Variants in MTUS2 observed in about 807,000 individuals in gnomAD.
MTUS2 encodes microtubule-associated tumor suppressor candidate 2.
Under a neutral mutation model 114.1 loss-of-function variants are expected in MTUS2, and 40 were observed. The observed-to-expected ratio is 0.35, with a 90% confidence interval of 0.27 to 0.46. The LOEUF (loss-of-function observed/expected upper bound fraction) is 0.46. Among genes scored for constraint, MTUS2 ranks in the 20% least tolerant of loss-of-function variants. The probability of loss-of-function intolerance (pLI) is 1.00; values close to 1 mark genes in which losing one functional copy is unlikely to be tolerated. For synonymous variants in MTUS2, 688 were observed against 672.0 expected (o/e 1.02, Z -0.37); for missense variants, 1,679 against 1,705.4 (o/e 0.98, Z 0.27).
chr13:29,190,135 A>G (rs2992387), intron 5 of MTUS2, among the ~76,000 whole-genome samples: 4,009 of 152,296 alleles, frequency 0.026, 169 homozygotes, highest in African/African-American at 0.091. Flanking sequence ...ATAAATGTCT[A>G]TTGTTTAAAC....
At position 29,323,950 on chromosome 13, in the gene MTUS2, G is replaced by A. The variant is rs534040744; in HGVS notation, c.2807-663G>A. ...TGTTTGACTTTCTGACAAACGTGAC[G>A]TGAAGGTGAGCACTGTGCCCGGCAC... is the stretch of plus-strand genomic sequence containing the variant. On this transcript the variant is annotated intron_variant, in intron 6 of 15. Coordinates refer to ENST00000612955, the MANE Select transcript of MTUS2 (RefSeq NM_001033602.4). 3.6e-3 allele frequency among the ~76,000 whole-genome samples: 546 copies of A among 152,300 alleles called. 5 individuals are homozygous for A. Among genetic ancestry groups the A allele is most frequent in the Non-Finnish European group, 5.7e-3 (386 of 68,024 alleles).
chr13:28,856,173 A>C (rs1012665007), intron 2 of MTUS2, among the ~76,000 whole-genome samples: 4 of 152,206 alleles, frequency 2.6e-5, no homozygotes, highest in African/African-American at 9.7e-5. Flanking sequence ...TACAAATAGA[A>C]TATAAGGTTC....
At chr13:28,987,554 G>A (rs1884644227) in intron 2 of MTUS2, among the ~76,000 whole-genome samples, 1 of 152,090 alleles carries the variant, frequency 6.6e-6, no homozygotes, top group Admixed American at 6.5e-5. Flanking sequence ...AATAGACTAA[G>A]GTAAAGACTG....
At chr13:29,091,125 T>C (rs1392739375) in intron 4 of MTUS2, among the ~76,000 whole-genome samples, 1 of 152,044 alleles carries the variant, frequency 6.6e-6, no homozygotes, top group Non-Finnish European at 1.5e-5. Context: ...CTATTGATTC[T>C]GGATGCCTTC....
At chr13:29,074,223 C>T (rs1380769480) in intron 4 of MTUS2, among the ~76,000 whole-genome samples, 11 of 152,156 alleles carry the variant, frequency 7.2e-5, no homozygotes, top group Non-Finnish European at 1.6e-4. Flanking sequence ...TTTCTGCTCC[C>T]CTAAAATGCC....
rs868192851 is a variant in MTUS2 at position 29,148,640 on chromosome 13, G to A, written c.2644+47670G>A. Reference sequence around the variant, plus strand: ...ACTACAGGCGCCCGCCACCACGCCCGGCTAATTTTTTGTATTTTTAGTAGA... The same window carrying A: ...ACTACAGGCGCCCGCCACCACGCCCAGCTAATTTTTTGTATTTTTAGTAGA... On this transcript the variant is annotated intron_variant, in intron 5 of 15. Transcript: ENST00000612955. 4.3e-3 allele frequency among the ~76,000 whole-genome samples: 495 copies of A among 114,746 alleles called. 53 individuals are homozygous for A. Among genetic ancestry groups the A allele is most frequent in the African/African-American group, 0.011 (420 of 38,304 alleles). The allele number at this position is 114,746 out of a possible 152,430, so 75.3% of individuals were successfully genotyped here. A position where few individuals can be genotyped will look rare whatever the true frequency, so the allele number is the denominator to read the frequency against.
At position 29,012,247 on chromosome 13, in the gene MTUS2, G is replaced by C. The variant is rs142834199; in HGVS notation, c.-242-12210G>C. Among the ~76,000 whole-genome samples, 628 of 152,240 alleles carry C rather than the reference G, an allele frequency of 4.1e-3. 5 individuals are homozygous for C. The highest frequency in any genetic ancestry group is 0.014 in the African/African-American group (602 of 41,528). ...AAGCTTGGTGGAGAGTGGCCTAGCAGAGGAGCTTGAGTAACTGTCCGTGCT... is the reference window on the plus strand; with the variant it reads ...AAGCTTGGTGGAGAGTGGCCTAGCACAGGAGCTTGAGTAACTGTCCGTGCT... On this transcript the variant is annotated intron_variant, in intron 2 of 15. Coordinates refer to ENST00000612955, the MANE Select transcript of MTUS2 (RefSeq NM_001033602.4).
chr13:29,434,628 G>A (rs1223141441), intron 8 of MTUS2, among the ~76,000 whole-genome samples: 2 of 152,294 alleles, frequency 1.3e-5, no homozygotes, highest in Non-Finnish European at 2.9e-5. Context: ...TTGAGGAGTG[G>A]CACAGGTGGC....
At chr13:28,854,843 G>A (rs1156973042) in intron 2 of MTUS2, among the ~76,000 whole-genome samples, 3 of 152,146 alleles carry the variant, frequency 2.0e-5, no homozygotes, top group African/African-American at 7.2e-5. Context: ...TCTGACTTCC[G>A]TGGCGTGTCC....
chr13:28,877,278 A>C (rs764541038), intron 2 of MTUS2, among the ~76,000 whole-genome samples: 88 of 151,292 alleles, frequency 5.8e-4, no homozygotes, highest in Non-Finnish European at 1.1e-3. Context: ...AGATCGTGCC[A>C]CTGCACTCCA....
intron 5 of MTUS2, among the ~76,000 whole-genome samples, chr13:29,280,568 T>C (rs1018784915): frequency 2.6e-5 from 4 of 152,230 alleles, no homozygotes; most frequent in African/African-American, 9.6e-5. Flanking sequence ...AATAATATTA[T>C]CATTTTTATG....
rs76454431 is a variant in MTUS2, at chr13:28,946,304, TGC to T, written c.-242-78146_-242-78145del. On this transcript the variant is annotated intron_variant, in intron 2 of 15. Transcript: ENST00000612955. ...GTGTGTGTGTGTGTGTGTGTGTGTG[TGC>T]GCGCGCACATACCTGCGTGCAAGTG... Among the ~76,000 whole-genome samples the T allele has an allele frequency of 9.3e-5, 14 of 150,332 alleles. No individual in the cohort carries two copies. The South Asian group carries it at 2.9e-3, about 32-fold the overall frequency.
chr13:28,892,864 A>G (rs911037124), intron 2 of MTUS2, among the ~76,000 whole-genome samples: 10 of 152,242 alleles, frequency 6.6e-5, no homozygotes, highest in South Asian at 2.1e-4. Flanking sequence ...GTTGGTGTCT[A>G]TGAGAGTTCA....
intron 10 of MTUS2, among the ~76,000 whole-genome samples, chr13:29,484,547 G>A (rs547443593): frequency 6.6e-6 from 1 of 152,328 alleles, no homozygotes; most frequent in African/African-American, 2.4e-5. Context: ...CAGACTGGGA[G>A]CTCTGGCATG....
At chr13:29,378,219 C>G (rs1871902185) in intron 8 of MTUS2, among the ~76,000 whole-genome samples, 1 of 151,694 alleles carries the variant, frequency 6.6e-6, no homozygotes, top group Non-Finnish European at 1.5e-5. Flanking sequence ...ATTTATAGCC[C>G]TATACACAAA....
intron 8 of MTUS2, among the ~76,000 whole-genome samples, chr13:29,383,208 G>A (rs1253823967): frequency 6.7e-6 from 1 of 150,118 alleles, no homozygotes; most frequent in Non-Finnish European, 1.5e-5. Flanking sequence ...TTAAATGATA[G>A]GAAAATTGAG....
intron 2 of MTUS2, among the ~76,000 whole-genome samples, chr13:28,959,331 G>A (rs1253812492): frequency 6.6e-6 from 1 of 152,154 alleles, no homozygotes; most frequent in East Asian, 1.9e-4. Context: ...ATGACCCACT[G>A]CAGTGGTGTC....
At chr13:28,879,532 G>A (rs1878160951) in intron 2 of MTUS2, among the ~76,000 whole-genome samples, 1 of 152,132 alleles carries the variant, frequency 6.6e-6, no homozygotes, top group Admixed American at 6.6e-5. Context: ...TATTTTGTGA[G>A]CTGGTTATGT....
At chr13:29,031,841 A>AC (rs1170467150) in intron 3 of MTUS2, among the ~76,000 whole-genome samples, 7 of 151,962 alleles carry the variant, frequency 4.6e-5, no homozygotes, top group African/African-American at 1.7e-4. Context: ...CAAAGCCTTC[A>AC]CCTGTACCCT....
Sources: allele counts gnomAD v4.1 joint callset (sites outside exome capture counted in the v4.1 genomes callset), GRCh38; gene constraint gnomAD v4.1.1; transcripts MANE v1.5; gene names NCBI Gene and HGNC (gene_info 2026-07-23, HGNC 2026-07-21).